ANK1: variants seen among roughly 807,000 people sequenced by gnomAD.
ANK1 encodes ankyrin 1, also known as ankyrin-1.
A neutral mutation model predicts 210.4 loss-of-function variants in ANK1; 51 were observed. The ratio of observed to expected loss-of-function variants is 0.24; its 90% CI spans 0.19 to 0.31. The LOEUF is 0.31. Among genes scored for constraint, ANK1 ranks in the 10% least tolerant of loss-of-function variants. The pLI, the probability that ANK1 is intolerant of heterozygous loss-of-function variation, is 1.00. For missense variants in ANK1, 2,051 were observed against 2,504.4 expected (o/e 0.82, Z 3.86); for synonymous variants, 967 against 1,025.9 (o/e 0.94, Z 1.10).
At chr8:41,666,127 C>T (rs1810482290) in intron 39 of ANK1, among the ~76,000 whole-genome samples, 1 of 152,236 alleles carries the variant, frequency 6.6e-6, no homozygotes, top group African/African-American at 2.4e-5. Flanking sequence ...CTCTGTGCCT[C>T]AGTTTCCTCA....
intron 1 of ANK1, among the ~76,000 whole-genome samples, chr8:41,810,410 C>T (rs1353556744): frequency 1.3e-5 from 2 of 152,176 alleles, no homozygotes; most frequent in Admixed American, 1.3e-4. Context: ...GGGCAATGGC[C>T]ACTCCAGCTT....
At chr8:41,657,390 G>T (rs568240050) in intron 42 of ANK1, among the ~76,000 whole-genome samples, 1 of 152,256 alleles carries the variant, frequency 6.6e-6, no homozygotes, top group East Asian at 1.9e-4. Context: ...AGAGAGGTGT[G>T]ATGTTTAAAA....
chr8:41,739,859 G>C (rs1407997939), intron 2 of ANK1, among the ~76,000 whole-genome samples: 1 of 151,996 alleles, frequency 6.6e-6, no homozygotes, highest in Non-Finnish European at 1.5e-5. Context: ...TGCATGCCTG[G>C]GCCTTAAATG....
At chr8:41,701,905 G>A in intron 21 of ANK1, 147 bp downstream of exon 21, 1 of 854,268 alleles carries the variant, frequency 1.2e-6, no homozygotes, top group Non-Finnish European at 1.9e-6. Context: ...CCGCTGGAAG[G>A]AGGACAAGCT....
chr8:41,738,985 A>G (rs996587275), intron 2 of ANK1, among the ~76,000 whole-genome samples: 3 of 152,202 alleles, frequency 2.0e-5, no homozygotes, highest in African/African-American at 7.2e-5. Context: ...GAGAAAAGCA[A>G]TAACTACTTG....
chr8:41,811,108 A>G (rs944284747), intron 1 of ANK1, among the ~76,000 whole-genome samples: 2 of 152,210 alleles, frequency 1.3e-5, no homozygotes, highest in Non-Finnish European at 2.9e-5. Context: ...ACTCTGGGGC[A>G]GTACACAATT....
intron 1 of ANK1, among the ~76,000 whole-genome samples, chr8:41,845,791 C>T (rs992253424): frequency 5.3e-5 from 8 of 152,152 alleles, no homozygotes; most frequent in African/African-American, 1.9e-4. Flanking sequence ...CTGTTTTTCT[C>T]CTTCCCCTCC....
intron 1 of ANK1, among the ~76,000 whole-genome samples, chr8:41,806,101 C>G (rs1850929615): frequency 6.6e-6 from 1 of 152,176 alleles, no homozygotes; most frequent in Non-Finnish European, 1.5e-5. Flanking sequence ...GAATTTTGAC[C>G]CTAGAACCCC....
intron 2 of ANK1, among the ~76,000 whole-genome samples, chr8:41,757,702 C>T (rs1563682657): frequency 6.6e-6 from 1 of 152,256 alleles, no homozygotes; most frequent in Admixed American, 6.5e-5. Context: ...CCCACTGACA[C>T]AGCATCTTTC....
chr8:41,803,021 GAAAGAA>G (rs1178625871), intron 1 of ANK1, among the ~76,000 whole-genome samples: 83 of 85,376 alleles, frequency 9.7e-4, no homozygotes, highest in African/African-American at 3.8e-3. Context: ...AAGAAAGAAA[GAAAGAA>G]AGAAAGAAAG....
Position 41,696,392 on chromosome 8 carries a change from T to C in ANK1, c.2931A>G (p.Ala977=). 1 of 1,613,340 alleles carries C rather than the reference T, an allele frequency of 6.2e-7. No homozygotes were observed. The highest frequency in any genetic ancestry group is 8.5e-7 in the Non-Finnish European group (1 of 1,179,928). The stretch of plus-strand genomic sequence containing the variant: ...GGAACTGTGCCCCCGTGGGCCCCAG[T>C]GCTATGATCCTGCTGGCCAGGCCCT... ...EEEGLASRII[A]LGPTGAQFLS... Residue 977 remains alanine, a synonymous_variant, in exon 26 of 43, where the codon GCA becomes GCG. Transcript: ENST00000289734.
In ANK1 at chr8:41,661,456, C is replaced by A. The variant is rs568372288; in HGVS notation, c.*10G>T. Reference sequence around the variant, plus strand: ...TCCCGAGAGGCTACTCCAAGGAGAGCGGCTCGGGGTCACTGTTTCCCCCTT... The same window carrying A: ...TCCCGAGAGGCTACTCCAAGGAGAGAGGCTCGGGGTCACTGTTTCCCCCTT... On this transcript the variant is annotated 3_prime_UTR_variant, in exon 42 of 43. Coordinates refer to ENST00000289734, the MANE Select transcript of ANK1 (RefSeq NM_000037.4). 2 of 1,614,046 alleles carry A rather than the reference C, an allele frequency of 1.2e-6. No individual in the cohort carries two copies. Among genetic ancestry groups the A allele is most frequent in the African/African-American group, 1.3e-5 (1 of 75,038 alleles).
At chr8:41,839,318 C>T (rs1587343204) in intron 1 of ANK1, among the ~76,000 whole-genome samples, 1 of 152,232 alleles carries the variant, frequency 6.6e-6, no homozygotes, top group East Asian at 1.9e-4. Context: ...CTTACTTCAT[C>T]TGAGATAAGG....
At chr8:41,739,954 T>G (rs1253151862) in intron 2 of ANK1, among the ~76,000 whole-genome samples, 1 of 152,072 alleles carries the variant, frequency 6.6e-6, no homozygotes, top group Non-Finnish European at 1.5e-5. Flanking sequence ...GGAATGGGCA[T>G]GTTCTCTTTT....
intron 8 of ANK1, 23 bp from the exon 9 acceptor site, chr8:41,723,246 C>G: frequency 4.3e-6 from 7 of 1,613,052 alleles, no homozygotes; most frequent in Non-Finnish European, 5.9e-6. Context: ...GAGTCAAAAA[C>G]AGAAAGCCCA....
At chr8:41,798,203 C>T (rs1849182607), upstream of ANK1, among the ~76,000 whole-genome samples, 1 of 143,954 alleles carries the variant, frequency 6.9e-6, no homozygotes, top group Non-Finnish European at 1.5e-5. Flanking sequence ...GGCCCCTCCG[C>T]CCCCCGGGGA....
At chr8:41,840,050 TA>T (rs981089614) in intron 1 of ANK1, 1 of 152,188 alleles carries the variant, frequency 6.6e-6, no homozygotes, top group African/African-American at 2.4e-5. Context: ...AAATTATTTT[TA>T]TTTTTTAAGG....
At chr8:41,728,195 GA>G (rs1456184141) in intron 3 of ANK1, among the ~76,000 whole-genome samples, 189 bp from the exon 4 acceptor site, 4 of 152,150 alleles carry the variant, frequency 2.6e-5, no homozygotes, top group Non-Finnish European at 5.9e-5. Flanking sequence ...GTACAGGGAG[GA>G]AGATCCAGCC....
At position 41,661,582 on chromosome 8, in the gene ANK1, G is replaced by A. The variant is rs747412568; in HGVS notation, c.5545-18C>T. 6 of 1,613,668 alleles carry A rather than the reference G, an allele frequency of 3.7e-6. No individual in the cohort carries two copies. In the Admixed American group the frequency reaches 1.0e-4, roughly 27 times the overall value. On this transcript the variant is annotated intron_variant, in intron 41 of 42. Coordinates refer to ENST00000289734, the MANE Select transcript of ANK1 (RefSeq NM_000037.4). ...AGCTCCACCTGCAGACAGCAGCAGA[G>A]ACAGAAAGCAGGACAGATCGCAAAG...
Sources: gnomAD v4.1 joint callset for allele counts (sites outside exome capture counted in the v4.1 genomes callset) on GRCh38, gnomAD v4.1.1 for gene constraint, MANE v1.5 for transcripts, NCBI Gene and HGNC (gene_info 2026-07-23, HGNC 2026-07-21) for gene names.